Variants in UACA observed in about 807,000 individuals in gnomAD.
The protein encoded by UACA is uveal autoantigen with coiled-coil domains and ankyrin repeats.
UACA carries 112 observed loss-of-function variants against 160.5 expected under a neutral mutation model. The observed-to-expected ratio is 0.70, with a 90% CI of 0.60 to 0.82. The LOEUF is 0.82. Among genes scored for constraint, UACA ranks in the 40% least tolerant of loss-of-function variants. UACA has a pLI of 0.00. For synonymous variants in UACA, 557 were observed against 568.4 expected (o/e 0.98, Z 0.29); for missense variants, 1,574 against 1,614.6 (o/e 0.97, Z 0.43).
At chr15:70,718,308 G>A (rs1898882463) in intron 1 of UACA, among the ~76,000 whole-genome samples, 1 of 144,424 alleles carries the variant, frequency 6.9e-6, no homozygotes, top group Non-Finnish European at 1.5e-5. Flanking sequence ...GAGAGGGAGA[G>A]GGAGAGAGAG....
intron 2 of UACA, among the ~76,000 whole-genome samples, chr15:70,697,926 T>C (rs1292002908): frequency 6.6e-6 from 1 of 152,132 alleles, no homozygotes; most frequent in African/African-American, 2.4e-5. Flanking sequence ...GGTGCATTCC[T>C]GCAATCCCAG....
rs1297526559 is a variant in UACA, at chr15:70,668,500, G to C, written c.2184C>G (p.Leu728=). 6.2e-7 allele frequency: 1 copy of C among 1,611,370 alleles called. No individual in the cohort carries two copies. The highest frequency in any genetic ancestry group is 1.3e-5 in the African/African-American group (1 of 74,772). ...TTAAGTTATGTGCTTGCTCCTTGAG[G>C]AGCTTATTATCCAAATAAACTTTTT... is the stretch of plus-strand genomic sequence containing the variant. The part of the protein sequence containing the change: ...EIEKVYLDNK[L]LKEQAHNLTI... The change falls in exon 16 of 19, where the codon CTC becomes CTG. Residue 728 remains leucine, a synonymous_variant. Coordinates refer to ENST00000322954, the MANE Select transcript of UACA (RefSeq NM_018003.4).
the UACA span, among the ~76,000 whole-genome samples, chr15:70,768,773 G>T: frequency 6.6e-6 from 1 of 152,250 alleles, no homozygotes; most frequent in South Asian, 2.1e-4. Flanking sequence ...CAAAACTTCA[G>T]CACTGTCAAA....
At chr15:70,770,074 T>TAA in the UACA span, among the ~76,000 whole-genome samples, 1 of 152,206 alleles carries the variant, frequency 6.6e-6, no homozygotes, top group Non-Finnish European at 1.5e-5. Flanking sequence ...ATATAATACA[T>TAA]GGTTGATTGA....
intron 1 of UACA, among the ~76,000 whole-genome samples, chr15:70,745,989 T>A (rs531550900): frequency 7.6e-4 from 116 of 152,188 alleles, no homozygotes; most frequent in African/African-American, 2.6e-3. Flanking sequence ...TAAATCAAGA[T>A]GAATAAAAGA....
At position 70,666,002 on chromosome 15, in the gene UACA, A is replaced by G. The variant is rs377043724; in HGVS notation, c.3960+722T>C. On this transcript the variant is annotated intron_variant, in intron 16 of 18. Coordinates refer to ENST00000322954, the MANE Select transcript of UACA (RefSeq NM_018003.4). ...CTGTAAATTGTACCATGAGAATTAA[A>G]GCTAAGATGGAAAGTTAAGTTATAA... Among the ~76,000 whole-genome samples, 14 of 152,360 alleles carry G rather than the reference A, an allele frequency of 9.2e-5. No homozygotes were observed. In the South Asian group the frequency reaches 1.2e-3, roughly 14 times the overall value.
intron 1 of UACA, among the ~76,000 whole-genome samples, chr15:70,711,749 C>T (rs1898688056): frequency 6.6e-6 from 1 of 152,004 alleles, no homozygotes. Flanking sequence ...CATATATAAA[C>T]ATGCACAAAA....
intron 1 of UACA, among the ~76,000 whole-genome samples, chr15:70,710,420 C>G (rs545729801): frequency 1.1e-4 from 17 of 152,248 alleles, no homozygotes. Context: ...GAGAGGTTTT[C>G]CCCACTTACA....
At chr15:70,748,278 C>T (rs1899772526) in intron 1 of UACA, among the ~76,000 whole-genome samples, 2 of 152,144 alleles carry the variant, frequency 1.3e-5, no homozygotes, top group Admixed American at 1.3e-4. Context: ...ATTTACTTAG[C>T]AGCAGAATAC....
chr15:70,737,753 A>G (rs1383756314), intron 1 of UACA, among the ~76,000 whole-genome samples: 1 of 152,164 alleles, frequency 6.6e-6, no homozygotes, highest in African/African-American at 2.4e-5. Flanking sequence ...TTGTTAGTCT[A>G]TTTGCTTATA....
intron 1 of UACA, chr15:70,703,165 GTTTT>G: frequency 7.8e-7 from 1 of 1,289,012 alleles, no homozygotes; most frequent in African/African-American, 1.5e-5. Context: ...ATTCAGGGTG[GTTTT>G]TTTGTGGTGG....
At position 70,668,386 on chromosome 15, in the gene UACA, T is replaced by C. The variant is rs1566965008; in HGVS notation, c.2298A>G (p.Arg766=). The change falls in exon 16 of 19, where the codon AGA becomes AGG. Residue 766 remains arginine (R), a synonymous_variant. Transcript: ENST00000322954. ...ATTTTTGTGTTACATCTAAAAGCTTTCTATTAAGATCATCAATAATTGCAT... is the reference window on the plus strand; with the variant it reads ...ATTTTTGTGTTACATCTAAAAGCTTCCTATTAAGATCATCAATAATTGCAT... ...SHDAIIDDLN[R]KLLDVTQKYT... The C allele has an allele frequency of 6.2e-7, 1 of 1,607,476 alleles. No individual in the cohort carries two copies. Among genetic ancestry groups the C allele is most frequent in the Non-Finnish European group, 8.5e-7 (1 of 1,178,548 alleles).
upstream of UACA, chr15:70,763,579 C>A: frequency 8.2e-7 from 1 of 1,218,120 alleles, no homozygotes; most frequent in East Asian, 3.2e-5. Flanking sequence ...CGGGGCTCCC[C>A]TCCCGTAGCC....
Position 70,756,160 on chromosome 15 carries a change from C to T in UACA, c.78+7170G>A, listed in dbSNP as rs532795817. On this transcript the variant is annotated intron_variant, in intron 1 of 18. Coordinates refer to ENST00000322954, the MANE Select transcript of UACA (RefSeq NM_018003.4). Reference sequence around the variant, plus strand: ...CACAAAAGTGAATAAGCATCATGAACCACCCAGCCGCAATTTTTTTTTTTT... The same window carrying T: ...CACAAAAGTGAATAAGCATCATGAATCACCCAGCCGCAATTTTTTTTTTTT... Among the ~76,000 whole-genome samples the T allele has an allele frequency of 7.4e-5, 11 of 149,208 alleles. No homozygotes were observed. In the South Asian group the frequency reaches 2.3e-3, roughly 31 times the overall value.
chr15:70,758,169 C>T (rs984472541), intron 1 of UACA: 3 of 152,182 alleles, frequency 2.0e-5, no homozygotes. Flanking sequence ...AAAAGACCCA[C>T]CAAACCACTC....
chr15:70,657,509 C>T (rs780291450), intron 18 of UACA, among the ~76,000 whole-genome samples: 5 of 152,062 alleles, frequency 3.3e-5, no homozygotes, highest in Non-Finnish European at 7.4e-5. Flanking sequence ...ACAGGAGAAT[C>T]GCTGGAACCT....
At chr15:70,703,996 T>C (rs183988770) in intron 1 of UACA, among the ~76,000 whole-genome samples, 1 of 152,302 alleles carries the variant, frequency 6.6e-6, no homozygotes, top group East Asian at 1.9e-4. Context: ...TTGCACCGTT[T>C]TACTTTTCTG....
chr15:70,654,912 C>T lies in UACA; in HGVS notation c.*2144G>A, dbSNP rs1247986088. ...GTGTTGTAAACGCAATTTCTGCCTT[C>T]GATATCAAAAGGTGAGTGAATGAGA... On this transcript the variant is annotated 3_prime_UTR_variant, in exon 19 of 19. Transcript: ENST00000322954. 1 of 152,108 alleles carries T rather than the reference C, an allele frequency of 6.6e-6. No homozygotes were observed. Among genetic ancestry groups the T allele is most frequent in the Non-Finnish European group, 1.5e-5 (1 of 68,040 alleles). The allele number at this position is 152,108 out of a possible 1,614,324, so 9.4% of individuals were successfully genotyped here.
At chr15:70,741,827 A>G (rs2141002961) in intron 1 of UACA, among the ~76,000 whole-genome samples, 1 of 152,320 alleles carries the variant, frequency 6.6e-6, no homozygotes, top group African/African-American at 2.4e-5. Flanking sequence ...AGTATCTTCA[A>G]TACTAGCAGT....
Sources: gnomAD v4.1 joint callset for allele counts (sites outside exome capture counted in the v4.1 genomes callset) on GRCh38, gnomAD v4.1.1 for gene constraint, MANE v1.5 for transcripts, NCBI Gene and HGNC (gene_info 2026-07-23, HGNC 2026-07-21) for gene names.